Variants in MMS22L observed in about 807,000 individuals in gnomAD.
The protein encoded by MMS22L is protein MMS22-like.
A neutral mutation model predicts 159.1 loss-of-function variants in MMS22L; 74 were observed. The ratio of observed to expected loss-of-function variants is 0.47; its 90% confidence interval spans 0.39 to 0.56. MMS22L has a LOEUF of 0.56. Among genes scored for constraint, MMS22L ranks in the 20% least tolerant of loss-of-function variants. MMS22L has a pLI of 0.00. For missense variants in MMS22L, 1,351 were observed against 1,422.1 expected (o/e 0.95, Z 0.80); for synonymous variants, 517 against 506.9 (o/e 1.02, Z -0.27).
At chr6:97,214,450 T>A (rs918494824) in intron 14 of MMS22L, among the ~76,000 whole-genome samples, 1 of 152,194 alleles carries the variant, frequency 6.6e-6, no homozygotes, top group African/African-American at 2.4e-5. Context: ...ATCTTATTTT[T>A]GGTTTTAAAA....
intron 14 of MMS22L, among the ~76,000 whole-genome samples, chr6:97,210,069 G>A (rs1024680220): frequency 1.3e-5 from 2 of 151,812 alleles, no homozygotes; most frequent in African/African-American, 4.8e-5. Flanking sequence ...TTATCCTTCA[G>A]ATGAAAGAAA....
intron 11 of MMS22L, among the ~76,000 whole-genome samples, chr6:97,237,662 C>A (rs1156239775): frequency 6.6e-6 from 1 of 152,172 alleles, no homozygotes; most frequent in East Asian, 1.9e-4. Flanking sequence ...AAACTGAGAT[C>A]TGGGTTCTGA....
In MMS22L at chr6:97,146,841, C is replaced by T. The variant is rs1800946443; in HGVS notation, c.3697G>A (p.Asp1233Asn). The T allele has an allele frequency of 1.3e-6, 2 of 1,574,856 alleles. No individual in the cohort carries two copies. Among genetic ancestry groups the T allele is most frequent in the Non-Finnish European group, 1.7e-6 (2 of 1,167,776 alleles). The part of the protein sequence containing the change: ...LLSHLGQMGQ[D>N]EMQRLENDNT ...TCATTTTCCAGTCTCTGCATCTCAT[C>T]TTGTCCCATCTGTCCAAGGTGAGAC... is the stretch of plus-strand genomic sequence containing the variant. The change falls in exon 25 of 25, where the codon GAT becomes AAT. Residue 1233 changes from aspartate (D) to asparagine (N), a missense_variant. Asp to Asn is a conservative substitution (Grantham distance 23). Coordinates refer to ENST00000683635, the MANE Select transcript of MMS22L (RefSeq NM_001350599.2).
At chr6:97,237,489 G>A (rs772450824) in intron 11 of MMS22L, among the ~76,000 whole-genome samples, 12 of 151,750 alleles carry the variant, frequency 7.9e-5, no homozygotes, top group Admixed American at 2.6e-4. Flanking sequence ...ACGCTTTTAT[G>A]GCACACTAGG....
intron 14 of MMS22L, among the ~76,000 whole-genome samples, chr6:97,189,573 A>C (rs980682925): frequency 1.4e-5 from 2 of 146,012 alleles, no homozygotes; most frequent in Admixed American, 1.4e-4. Context: ...AAAAAAAAAA[A>C]AAAAAAGAAT....
At chr6:97,153,507 G>A (rs891326495) in intron 22 of MMS22L, among the ~76,000 whole-genome samples, 1 of 151,492 alleles carries the variant, frequency 6.6e-6, no homozygotes, top group African/African-American at 2.4e-5. Context: ...GAGTAACTGG[G>A]ATTACAAGTG....
chr6:97,203,915 A>C (rs1020495127), intron 14 of MMS22L, among the ~76,000 whole-genome samples: 1 of 152,202 alleles, frequency 6.6e-6, no homozygotes, highest in Non-Finnish European at 1.5e-5. Context: ...TTAGCTCATT[A>C]TATTTAATGC....
chr6:97,229,023 G>T lies in MMS22L; in HGVS notation c.1910C>A (p.Thr637Asn), dbSNP rs772227110. The T allele has an allele frequency of 1.2e-6, 2 of 1,614,014 alleles. No individual in the cohort carries two copies. Among genetic ancestry groups the T allele is most frequent in the South Asian group, 2.2e-5 (2 of 91,072 alleles). Reference sequence around the variant, plus strand: ...ATGGGAAGGATACAAGCAATAGCTGGTCTCAAACACTTCTTGAACACCATC... The same window carrying T: ...ATGGGAAGGATACAAGCAATAGCTGTTCTCAAACACTTCTTGAACACCATC... ...YIDGVQEVFE[T>N]SYCLYPSHEK... Residue 637 changes from threonine (T) to asparagine (N), a missense_variant, in exon 14 of 25, where the codon ACC becomes AAC. By Grantham distance (65) the Thr-to-Asn change is moderately conservative (BLOSUM62 0). Coordinates refer to ENST00000683635, the MANE Select transcript of MMS22L (RefSeq NM_001350599.2).
chr6:97,162,763 C>T (rs972221052), intron 21 of MMS22L, among the ~76,000 whole-genome samples: 13 of 151,952 alleles, frequency 8.6e-5, no homozygotes, highest in African/African-American at 2.2e-4. Flanking sequence ...AACTCAAGAG[C>T]GATCATAAGG....
chr6:97,204,227 T>A (rs889933623), intron 14 of MMS22L, among the ~76,000 whole-genome samples: 2 of 152,214 alleles, frequency 1.3e-5, no homozygotes, highest in East Asian at 3.8e-4. Flanking sequence ...TCAAAGTCAG[T>A]CAAGCATTTC....
chr6:97,232,582 C>T (rs750054724), intron 12 of MMS22L, among the ~76,000 whole-genome samples: 1 of 151,952 alleles, frequency 6.6e-6, no homozygotes, highest in East Asian at 1.9e-4. Flanking sequence ...AATGGACATT[C>T]CTTCAGGTTG....
chr6:97,170,852 C>G (rs896933303), intron 19 of MMS22L, among the ~76,000 whole-genome samples: 1 of 151,992 alleles, frequency 6.6e-6, no homozygotes, highest in Non-Finnish European at 1.5e-5. Context: ...AGTAAAAATA[C>G]AAAAATTAAC....
intron 10 of MMS22L, among the ~76,000 whole-genome samples, chr6:97,249,223 ACT>A (rs761348132): frequency 3.9e-5 from 6 of 152,214 alleles, no homozygotes; most frequent in Non-Finnish European, 8.8e-5. Context: ...ACTGTCACAC[ACT>A]GATGCCAGGA....
intron 13 of MMS22L, chr6:97,231,175 CA>C: frequency 7.6e-6 from 3 of 393,372 alleles, no homozygotes; most frequent in Non-Finnish European, 1.4e-5. Flanking sequence ...CAAAACAAAC[CA>C]AAAAAACCAG....
chr6:97,238,572 C>CGTGTGTGT (rs71740630), intron 11 of MMS22L, among the ~76,000 whole-genome samples: 3,585 of 91,406 alleles, frequency 0.039, 59 homozygotes, highest in South Asian at 0.051. Context: ...TGTCTCATCT[C>CGTGTGTGT]GTGTGTGTGT....
intron 24 of MMS22L, among the ~76,000 whole-genome samples, chr6:97,147,787 C>G (rs1463748092): frequency 6.6e-6 from 1 of 152,118 alleles, no homozygotes; most frequent in Non-Finnish European, 1.5e-5. Context: ...CATACAAAAG[C>G]TTTACAAGGA....
chr6:97,270,889 G>A (rs1459509840), intron 6 of MMS22L: 1 of 151,838 alleles, frequency 6.6e-6, no homozygotes, highest in Non-Finnish European at 1.5e-5. Flanking sequence ...AAAATAACAT[G>A]AATTAAAGAA....
chr6:97,276,018 G>C (rs1273660075), intron 4 of MMS22L, among the ~76,000 whole-genome samples: 1 of 152,022 alleles, frequency 6.6e-6, no homozygotes, highest in Non-Finnish European at 1.5e-5. Context: ...CAGAGACAAA[G>C]AGACGGAAAG....
chr6:97,209,579 C>A lies in MMS22L; in HGVS notation c.2039+19315G>T, dbSNP rs78118552. On this transcript the variant is annotated intron_variant, in intron 14 of 24. Transcript: ENST00000683635. ...AACCCAAAGCAAAAGATAATGAGAA[C>A]TCAAACTGCTTAAGGTCTCTGACAT... Among the ~76,000 whole-genome samples, 1,109 of 152,038 alleles carry A rather than the reference C, an allele frequency of 7.3e-3. 16 individuals carry two copies. The highest frequency in any genetic ancestry group is 0.025 in the African/African-American group (1,036 of 41,534).
Sources: allele counts gnomAD v4.1 joint callset (sites outside exome capture counted in the v4.1 genomes callset), GRCh38; gene constraint gnomAD v4.1.1; transcripts MANE v1.5; gene names NCBI Gene and HGNC (gene_info 2026-07-23, HGNC 2026-07-21).